MTUS2: variants seen among roughly 807,000 people sequenced by gnomAD.
The protein encoded by MTUS2 is microtubule-associated tumor suppressor candidate 2.
Under a neutral mutation model 114.1 loss-of-function variants are expected in MTUS2, and 40 were observed. The ratio of observed to expected loss-of-function variants is 0.35; its 90% CI spans 0.27 to 0.46. The LOEUF (loss-of-function observed/expected upper bound fraction) is 0.46. Among genes scored for constraint, MTUS2 ranks in the 20% least tolerant of loss-of-function variants. The pLI, the probability that MTUS2 is intolerant of heterozygous loss-of-function variation, is 1.00. For synonymous variants in MTUS2, 688 were observed against 672.0 expected, an observed-to-expected ratio of 1.02 and a Z score of -0.37; for missense variants, 1,679 against 1,705.4, an observed-to-expected ratio of 0.98 and a Z score of 0.27.
At chr13:29,431,365 G>A (rs1876976935) in intron 8 of MTUS2, among the ~76,000 whole-genome samples, 1 of 152,080 alleles carries the variant, frequency 6.6e-6, no homozygotes, top group Non-Finnish European at 1.5e-5. Flanking sequence ...GTTACTATTG[G>A]GACCATCAAA....
At chr13:29,171,018 G>A (rs891720498) in intron 5 of MTUS2, among the ~76,000 whole-genome samples, 3 of 152,100 alleles carry the variant, frequency 2.0e-5, no homozygotes, top group African/African-American at 7.2e-5. Context: ...GAAATTTCCT[G>A]TACCTTTTCC....
chr13:29,357,300 G>A (rs1321258696), intron 7 of MTUS2, among the ~76,000 whole-genome samples: 1 of 152,166 alleles, frequency 6.6e-6, no homozygotes, highest in Non-Finnish European at 1.5e-5. Flanking sequence ...GCCTGCTAAC[G>A]TCCACAAGCT....
chr13:29,086,853 C>T (rs905918274), intron 4 of MTUS2, among the ~76,000 whole-genome samples: 12 of 151,996 alleles, frequency 7.9e-5, no homozygotes, highest in African/African-American at 2.9e-4. Flanking sequence ...TAGCTGTATT[C>T]CTAGGTATTT....
At chr13:28,996,697 T>C (rs1429970926) in intron 2 of MTUS2, among the ~76,000 whole-genome samples, 5 of 152,230 alleles carry the variant, frequency 3.3e-5, no homozygotes, top group East Asian at 1.9e-4. Context: ...GAGGTGTTTA[T>C]AGTATTTTCT....
At chr13:29,044,452 T>A (rs1263204506) in intron 4 of MTUS2, among the ~76,000 whole-genome samples, 1 of 152,150 alleles carries the variant, frequency 6.6e-6, no homozygotes, top group East Asian at 1.9e-4. Flanking sequence ...TTTGTTGAGA[T>A]TTTTGGATCT....
At chr13:29,464,266 G>A (rs1879733054) in intron 9 of MTUS2, among the ~76,000 whole-genome samples, 1 of 152,246 alleles carries the variant, frequency 6.6e-6, no homozygotes, top group Admixed American at 6.5e-5. Flanking sequence ...AGCTGAAGGC[G>A]GAAGCCTGGA....
chr13:29,171,221 C>T (rs1303921207), intron 5 of MTUS2, among the ~76,000 whole-genome samples: 1 of 152,062 alleles, frequency 6.6e-6, no homozygotes, highest in Non-Finnish European at 1.5e-5. Flanking sequence ...GTAGGGCTAA[C>T]AAGAACCATT....
At chr13:28,989,852 GTTTTTT>G (rs67968989) in intron 2 of MTUS2, among the ~76,000 whole-genome samples, 23 of 143,738 alleles carry the variant, frequency 1.6e-4, no homozygotes, top group East Asian at 4.0e-4. Context: ...GTTTTGTTTT[GTTTTTT>G]TTTTTTTTTG....
intron 2 of MTUS2, among the ~76,000 whole-genome samples, chr13:28,952,117 A>T (rs1259969696): frequency 1.3e-5 from 2 of 152,230 alleles, no homozygotes; most frequent in Non-Finnish European, 2.9e-5. Flanking sequence ...TTTCTAAAAA[A>T]GAAAATTTCT....
chr13:29,365,471 C>T (rs151328622), intron 8 of MTUS2, among the ~76,000 whole-genome samples: 6 of 126,372 alleles, frequency 4.7e-5, no homozygotes, highest in Middle Eastern at 3.9e-3. Context: ...CAGCTCATCT[C>T]ACTTATGCTT....
At chr13:29,170,581 T>C (rs973712493) in intron 5 of MTUS2, among the ~76,000 whole-genome samples, 2 of 152,200 alleles carry the variant, frequency 1.3e-5, no homozygotes, top group Non-Finnish European at 2.9e-5. Flanking sequence ...TGAATACAGA[T>C]GTTAGTAATT....
intron 2 of MTUS2, among the ~76,000 whole-genome samples, chr13:28,856,093 C>T (rs752143515): frequency 2.6e-5 from 4 of 152,134 alleles, no homozygotes; most frequent in African/African-American, 9.7e-5. Context: ...GTATTCTTCT[C>T]TTTAAGAAAC....
intron 6 of MTUS2, among the ~76,000 whole-genome samples, chr13:29,282,523 C>G (rs1898316019): frequency 6.6e-6 from 1 of 152,204 alleles, no homozygotes; most frequent in South Asian, 2.1e-4. Flanking sequence ...ATCAGTGTGG[C>G]CCCTGCTATG....
intron 5 of MTUS2, among the ~76,000 whole-genome samples, chr13:29,129,943 G>T (rs1012827134): frequency 6.6e-6 from 1 of 152,168 alleles, no homozygotes. Flanking sequence ...GAAACCCCAA[G>T]ACCTTTCTCG....
At chr13:28,874,646 G>A (rs1055645834) in intron 2 of MTUS2, among the ~76,000 whole-genome samples, 3 of 152,142 alleles carry the variant, frequency 2.0e-5, no homozygotes, top group Non-Finnish European at 4.4e-5. Flanking sequence ...AGAGCAAACC[G>A]TCCAAGAGGC....
At chr13:29,038,263 G>C (rs326511) in intron 4 of MTUS2, among the ~76,000 whole-genome samples, 145,584 of 152,330 alleles carry the variant, frequency 0.96, 69,675 homozygotes, top group South Asian at 0.98. Flanking sequence ...GATATTATTG[G>C]ATTCTGTTAG....
At chr13:29,296,090 C>T (rs959493942) in intron 6 of MTUS2, among the ~76,000 whole-genome samples, 1 of 152,158 alleles carries the variant, frequency 6.6e-6, no homozygotes, top group African/African-American at 2.4e-5. Flanking sequence ...GTACTGCTGC[C>T]ATAAATTTGG....
At position 29,117,436 on chromosome 13, in the gene MTUS2, G is replaced by T. The variant is rs567228363; in HGVS notation, c.2644+16466G>T. Among the ~76,000 whole-genome samples the T allele has an allele frequency of 3.9e-5, 6 of 152,224 alleles. No individual in the cohort carries two copies. In the East Asian group the frequency reaches 1.2e-3, roughly 29 times the overall value. On this transcript the variant is annotated intron_variant, in intron 5 of 15. Coordinates refer to ENST00000612955, the MANE Select transcript of MTUS2 (RefSeq NM_001033602.4). ...ATCTTTTAGTGGCTTCCATGCTCGCGTTAAGTATTAGCAGATGCTGGTGTC... is the reference window on the plus strand; with the variant it reads ...ATCTTTTAGTGGCTTCCATGCTCGCTTTAAGTATTAGCAGATGCTGGTGTC...
At chr13:29,105,741 C>T (rs766386007) in intron 5 of MTUS2, among the ~76,000 whole-genome samples, 10 of 150,710 alleles carry the variant, frequency 6.6e-5, no homozygotes, top group Non-Finnish European at 1.2e-4. Flanking sequence ...CTGACGTTCG[C>T]ATAAATAATC....
Sources: gnomAD v4.1 joint callset for allele counts (sites outside exome capture counted in the v4.1 genomes callset) on GRCh38, gnomAD v4.1.1 for gene constraint, MANE v1.5 for transcripts, NCBI Gene and HGNC (gene_info 2026-07-23, HGNC 2026-07-21) for gene names.